DIP2C: variants seen among roughly 807,000 people sequenced by gnomAD.
The protein encoded by DIP2C is disco-interacting protein 2 homolog C.
DIP2C carries 33 observed loss-of-function variants against 192.4 expected under a neutral mutation model. The ratio of observed to expected loss-of-function variants is 0.17; its 90% CI spans 0.13 to 0.23. The LOEUF (loss-of-function observed/expected upper bound fraction) is 0.23. Ranked by LOEUF, DIP2C falls within the 10% of genes least tolerant of loss-of-function variation. DIP2C has a pLI of 1.00. For synonymous variants in DIP2C, 979 were observed against 864.1 expected (o/e 1.13, Z -2.33); for missense variants, 1,537 against 2,110.1 (o/e 0.73, Z 5.32).
intron 7 of DIP2C, among the ~76,000 whole-genome samples, chr10:415,225 C>CA (rs1011498060): frequency 1.3e-5 from 2 of 152,208 alleles, no homozygotes; most frequent in African/African-American, 2.4e-5. Context: ...TTATGACTGA[C>CA]AAAATCAGTC....
chr10:637,384 C>G (rs1007699833), intron 1 of DIP2C, among the ~76,000 whole-genome samples: 13 of 152,130 alleles, frequency 8.5e-5, no homozygotes, highest in Non-Finnish European at 1.5e-5. Context: ...ATAGGCTGGG[C>G]GGGGGCTGAC....
rs1165685545 is a variant in DIP2C at position 274,710 on chromosome 10, G to T, written c.*2615C>A. On this transcript the variant is annotated 3_prime_UTR_variant, in exon 37 of 37. Coordinates refer to ENST00000280886, the MANE Select transcript of DIP2C (RefSeq NM_014974.3). ...CTCCCTTGGGTAAAGTGTCAAGCAG[G>T]ATTAAATATATATAATAAACAAGCA... is the stretch of plus-strand genomic sequence containing the variant. 1 of 152,124 alleles carries T rather than the reference G, an allele frequency of 6.6e-6. No homozygotes were observed. Among genetic ancestry groups the T allele is most frequent in the Non-Finnish European group, 1.5e-5 (1 of 68,024 alleles). 9.4% of individuals were successfully genotyped at this position (152,124 alleles called of 1,614,324 possible).
intron 24 of DIP2C, among the ~76,000 whole-genome samples, chr10:352,242 GAC>G (rs969073161): frequency 1.3e-5 from 2 of 152,248 alleles, no homozygotes; most frequent in Admixed American, 1.3e-4. Flanking sequence ...GCTCAGATGA[GAC>G]ACAGCCAGCA....
rs549283655 is a variant in DIP2C at position 369,712 on chromosome 10, C to T, written c.1992-79G>A. 5.0e-6 allele frequency: 8 copies of T among 1,607,258 alleles called. No homozygotes were observed. In the East Asian group the frequency reaches 1.1e-4, roughly 22 times the overall value. ...CACAGATGTGCAGTCAGCACACATG[C>T]GGCAGGCTGGGCACCTCTGGGCACA... On this transcript the variant is annotated intron_variant, in intron 17 of 36. Transcript: ENST00000280886.
At chr10:524,069 G>A (rs1846902898) in intron 1 of DIP2C, among the ~76,000 whole-genome samples, 1 of 149,952 alleles carries the variant, frequency 6.7e-6, no homozygotes, top group Non-Finnish European at 1.5e-5. Flanking sequence ...CCCGCCCTCA[G>A]TTCTCACGCC....
At chr10:682,921 A>G (rs1372282268) in intron 1 of DIP2C, among the ~76,000 whole-genome samples, 1 of 152,236 alleles carries the variant, frequency 6.6e-6, no homozygotes. Context: ...GCCCAAAAGA[A>G]AAGACCTACC....
rs1018203529 is a variant in DIP2C, at chr10:651,424, G to A, written c.85+38070C>T. 4 of 692,732 alleles carry A rather than the reference G, an allele frequency of 5.8e-6. No individual in the cohort carries two copies. The highest frequency in any genetic ancestry group is 4.0e-5 in the Admixed American group (2 of 49,716). 42.9% of individuals were successfully genotyped at this position (692,732 alleles called of 1,614,324 possible). ...ACCAAACTCGTGACTGAATGAACAA[G>A]TATGTTAAGTCGTTAAGTAAAAATA... On this transcript the variant is annotated intron_variant, in intron 1 of 36. Transcript: ENST00000280886. The surrounding 1 kb of genome is among the most constrained non-coding windows in gnomAD (Gnocchi z 4.1).
chr10:578,078 T>G (rs941964492), intron 1 of DIP2C, among the ~76,000 whole-genome samples: 2 of 152,226 alleles, frequency 1.3e-5, no homozygotes, highest in African/African-American at 4.8e-5. Flanking sequence ...ATTCCACATT[T>G]GGAAATGTTT....
chr10:427,558 C>T (rs547993907), intron 4 of DIP2C, among the ~76,000 whole-genome samples: 2 of 148,578 alleles, frequency 1.3e-5, no homozygotes, highest in African/African-American at 5.0e-5. Context: ...AAGATGACAA[C>T]CAACCCATTT....
At chr10:629,325 C>T (rs1478584737) in intron 1 of DIP2C, among the ~76,000 whole-genome samples, 1 of 152,160 alleles carries the variant, frequency 6.6e-6, no homozygotes, top group Non-Finnish European at 1.5e-5. Context: ...TCCGGGCCAA[C>T]TCCAAAGCGG....
At chr10:486,901 G>A (rs191546701) in intron 1 of DIP2C, among the ~76,000 whole-genome samples, 4 of 152,314 alleles carry the variant, frequency 2.6e-5, no homozygotes, top group African/African-American at 4.8e-5. Context: ...TGCCAGGGCC[G>A]GGATGGCCGA....
In DIP2C at chr10:417,824, G is replaced by A. The variant is rs1277949537; in HGVS notation, c.739+1241C>T. 3.1e-4 allele frequency among the ~76,000 whole-genome samples: 10 copies of A among 32,706 alleles called. 4 individuals are homozygous for A. Among genetic ancestry groups the A allele is most frequent in the African/African-American group, 1.4e-3 (9 of 6,506 alleles). The allele number at this position is 32,706 out of a possible 152,430, so 21.5% of individuals were successfully genotyped here. On this transcript the variant is annotated intron_variant, in intron 6 of 36. Coordinates refer to ENST00000280886, the MANE Select transcript of DIP2C (RefSeq NM_014974.3). Reference sequence around the variant, plus strand: ...TGTCCACCTGTTCCTGTCAGGGCGCGGACAGGCCTCCCTGTCCACCTGCAC... The same window carrying A: ...TGTCCACCTGTTCCTGTCAGGGCGCAGACAGGCCTCCCTGTCCACCTGCAC...
At chr10:289,241 G>A (rs2132187374) in intron 32 of DIP2C, among the ~76,000 whole-genome samples, 1 of 151,030 alleles carries the variant, frequency 6.6e-6, no homozygotes, top group South Asian at 2.1e-4. Context: ...GTGGGCTCCT[G>A]AGACACCCTT....
rs557245057 is a variant in DIP2C at position 334,449 on chromosome 10, A to G, written c.3585-4848T>C. Among the ~76,000 whole-genome samples, 4 of 152,114 alleles carry G rather than the reference A, an allele frequency of 2.6e-5. No individual in the cohort carries two copies. The South Asian group carries it at 8.3e-4, about 32-fold the overall frequency. On this transcript the variant is annotated intron_variant, in intron 29 of 36. Transcript: ENST00000280886. ...GTCTTTTGATATACAAAAGTTTTAA[A>G]TTTTGTTCCAGTCCAGTTTATCAGT...
chr10:304,930 A>C (rs908926564), intron 32 of DIP2C, among the ~76,000 whole-genome samples: 18 of 152,210 alleles, frequency 1.2e-4, no homozygotes, highest in African/African-American at 4.3e-4. Flanking sequence ...TATCTGCTAC[A>C]TATTTGTATG....
chr10:392,139 A>G (rs750027405), intron 10 of DIP2C, among the ~76,000 whole-genome samples: 5 of 152,180 alleles, frequency 3.3e-5, no homozygotes, highest in Non-Finnish European at 7.4e-5. Flanking sequence ...CTAATCAGTC[A>G]CTTTAATGTG....
At chr10:439,103 C>A (rs1348810631) in intron 4 of DIP2C, among the ~76,000 whole-genome samples, 1 of 152,174 alleles carries the variant, frequency 6.6e-6, no homozygotes, top group Non-Finnish European at 1.5e-5. Context: ...GCCCTGGACT[C>A]CCAAAGTGCA....
intron 1 of DIP2C, among the ~76,000 whole-genome samples, chr10:548,377 C>T (rs1409852517): frequency 6.9e-6 from 1 of 144,676 alleles, no homozygotes; most frequent in Admixed American, 7.0e-5. Flanking sequence ...GAGCAGAAGA[C>T]GGGAAAAGAG....
chr10:384,487 T>G, intron 15 of DIP2C, 59 bp downstream of exon 15: 1 of 1,554,224 alleles, frequency 6.4e-7, no homozygotes, highest in South Asian at 1.1e-5. Flanking sequence ...ATCCACCTGC[T>G]TTGGCCTCCT....
Sources: allele counts gnomAD v4.1 joint callset (sites outside exome capture counted in the v4.1 genomes callset), GRCh38; gene constraint gnomAD v4.1.1; non-coding constraint Gnocchi (gnomAD v3.1); transcripts MANE v1.5; gene names NCBI Gene and HGNC (gene_info 2026-07-23, HGNC 2026-07-21).